PCSK5: variants seen among roughly 807,000 people sequenced by gnomAD.
PCSK5 encodes the protein prohormone convertase 5.
Under a neutral mutation model 233.2 loss-of-function variants are expected in PCSK5, and 129 were observed. The observed-to-expected ratio is 0.55, with a 90% CI of 0.48 to 0.64. The LOEUF (loss-of-function observed/expected upper bound fraction) is 0.64, where lower values mean the gene tolerates loss of function less well. PCSK5 is among the 30% of genes least tolerant of loss of function. The pLI, the probability that PCSK5 is intolerant of heterozygous loss-of-function variation, is 0.00. For synonymous variants in PCSK5, 825 were observed against 879.2 expected (o/e 0.94, Z 1.09); for missense variants, 2,076 against 2,430.1 (o/e 0.85, Z 3.06).
intron 9 of PCSK5, among the ~76,000 whole-genome samples, chr9:76,120,115 C>A (rs1832576282): frequency 6.6e-6 from 1 of 151,838 alleles, no homozygotes; most frequent in South Asian, 2.1e-4. Context: ...TTTTGTTGTC[C>A]AGTATGAGGA....
intron 24 of PCSK5, among the ~76,000 whole-genome samples, chr9:76,246,106 C>T (rs1031797126): frequency 9.2e-5 from 14 of 151,860 alleles, no homozygotes; most frequent in Non-Finnish European, 1.3e-4. Context: ...TTTGGGAGGC[C>T]GAGGCGGGCA....
Position 76,351,532 on chromosome 9 carries a change from G to GA in PCSK5, c.5067+604_5067+605insA, listed in dbSNP as rs1564196982. Among the ~76,000 whole-genome samples the GA allele has an allele frequency of 1.1e-3, 108 of 94,454 alleles. 25 individuals are homozygous for GA. The highest frequency in any genetic ancestry group is 5.0e-3 in the Middle Eastern group (1 of 202). The allele number at this position is 94,454 out of a possible 152,430, so 62.0% of individuals were successfully genotyped here. On this transcript the variant is annotated intron_variant, in intron 36 of 37. Coordinates refer to ENST00000674117, the MANE Select transcript of PCSK5 (RefSeq NM_001372043.1). ...AGAAAGAAAGAAAGAAAGAAAGAAA[G>GA]GAAGGAAAGAAAGAGAAAGAAGAGA...
chr9:76,292,196 C>A, intron 24 of PCSK5, 37 bp from the exon 25 acceptor site: 1 of 1,274,022 alleles, frequency 7.8e-7, no homozygotes, highest in Non-Finnish European at 1.1e-6. Context: ...TGACGAATTC[C>A]TCATGATTAT....
chr9:76,312,391 C>G (rs1385074115), intron 30 of PCSK5, among the ~76,000 whole-genome samples: 1 of 152,072 alleles, frequency 6.6e-6, no homozygotes. Context: ...TGCCTGTAAT[C>G]CCAGCTACTC....
intron 1 of PCSK5, among the ~76,000 whole-genome samples, chr9:75,896,787 G>A (rs1364672955): frequency 1.1e-4 from 17 of 152,156 alleles, no homozygotes; most frequent in Admixed American, 7.8e-4. Context: ...CATATGCACA[G>A]CATATATATG....
At chr9:76,223,304 A>C (rs1825788836) in intron 20 of PCSK5, among the ~76,000 whole-genome samples, 1 of 152,232 alleles carries the variant, frequency 6.6e-6, no homozygotes, top group Admixed American at 6.5e-5. Flanking sequence ...GCATTTGTTC[A>C]GGAGAAATGA....
At chr9:76,345,732 T>C (rs1455725414) in intron 35 of PCSK5, among the ~76,000 whole-genome samples, 4 of 150,184 alleles carry the variant, frequency 2.7e-5, no homozygotes, top group Admixed American at 2.7e-4. Context: ...TGTTTGTTTG[T>C]TTTTTGAGAC....
At chr9:76,046,559 CTTTTTTTT>C (rs553542037) in intron 5 of PCSK5, among the ~76,000 whole-genome samples, 2 of 104,806 alleles carry the variant, frequency 1.9e-5, no homozygotes, top group South Asian at 2.9e-4. Context: ...CTTTCTTTTT[CTTTTTTTT>C]TTTTTTTTTT....
intron 2 of PCSK5, among the ~76,000 whole-genome samples, chr9:75,948,031 C>T (rs1350541266): frequency 6.6e-6 from 1 of 151,836 alleles, no homozygotes; most frequent in African/African-American, 2.4e-5. Context: ...ATTTTTTGTA[C>T]AGACAGGGTC....
chr9:75,938,390 G>C (rs1345650558), intron 2 of PCSK5, among the ~76,000 whole-genome samples: 1 of 152,194 alleles, frequency 6.6e-6, no homozygotes, highest in Non-Finnish European at 1.5e-5. Flanking sequence ...TATGGGTGAG[G>C]TTTGTGGCAC....
At chr9:76,289,487 A>ACC in intron 24 of PCSK5, among the ~76,000 whole-genome samples, 1 of 133,456 alleles carries the variant, frequency 7.5e-6, no homozygotes, top group Non-Finnish European at 1.6e-5. Flanking sequence ...ACACACACAC[A>ACC]CACACACACA....
intron 24 of PCSK5, among the ~76,000 whole-genome samples, chr9:76,288,827 G>T (rs1828169503): frequency 6.6e-6 from 1 of 152,198 alleles, no homozygotes; most frequent in South Asian, 2.1e-4. Context: ...TTCTTCTCTA[G>T]ACGTTCAAGT....
chr9:76,206,417 C>G (rs530743301), intron 20 of PCSK5, among the ~76,000 whole-genome samples: 7 of 152,326 alleles, frequency 4.6e-5, no homozygotes, highest in Non-Finnish European at 4.4e-5. Context: ...TGGAAGCATA[C>G]GAAACATCCC....
At chr9:76,332,015 C>A (rs1392526912) in intron 33 of PCSK5, among the ~76,000 whole-genome samples, 1 of 152,178 alleles carries the variant, frequency 6.6e-6, no homozygotes, top group Non-Finnish European at 1.5e-5. Context: ...GAAGCTGGGG[C>A]TTCCCCCTAG....
chr9:76,241,522 C>G (rs1826431934), intron 24 of PCSK5, among the ~76,000 whole-genome samples: 1 of 152,208 alleles, frequency 6.6e-6, no homozygotes, highest in African/African-American at 2.4e-5. Context: ...ATCGTGGTAA[C>G]AGTGGAGTTG....
At chr9:76,175,276 C>CGAATT in intron 14 of PCSK5, 147 bp downstream of exon 14, 5 of 542,432 alleles carry the variant, frequency 9.2e-6, no homozygotes, top group South Asian at 2.1e-5. Flanking sequence ...GGAATGGAAT[C>CGAATT]GAATCGAATC....
chr9:76,189,242 T>G lies in PCSK5; in HGVS notation c.2510+19T>G, dbSNP rs1311190838. 2 of 1,608,498 alleles carry G rather than the reference T, an allele frequency of 1.2e-6. No individual in the cohort carries two copies. The highest frequency in any genetic ancestry group is 1.7e-6 in the Non-Finnish European group (2 of 1,177,894). On this transcript the variant is annotated intron_variant, in intron 19 of 37. Coordinates refer to ENST00000674117, the MANE Select transcript of PCSK5 (RefSeq NM_001372043.1). ...GCAAAAAGTAAGTGGATCTGCCCCC[T>G]GGGCCCTAGCATTTAGACCTAAGTT...
At chr9:76,292,771 A>T (rs1263739142) in intron 25 of PCSK5, among the ~76,000 whole-genome samples, 1 of 152,108 alleles carries the variant, frequency 6.6e-6, no homozygotes, top group East Asian at 1.9e-4. Flanking sequence ...AATCCACAAA[A>T]TCAAAAATGG....
At chr9:76,066,060 TATATTTTA>T (rs1830275804) in intron 5 of PCSK5, among the ~76,000 whole-genome samples, 1 of 152,158 alleles carries the variant, frequency 6.6e-6, no homozygotes, top group Non-Finnish European at 1.5e-5. Context: ...CACCTTTTAG[TATATTTTA>T]AAGTCTTCAG....
Sources: gnomAD v4.1 joint callset for allele counts (sites outside exome capture counted in the v4.1 genomes callset) on GRCh38, gnomAD v4.1.1 for gene constraint, MANE v1.5 for transcripts, NCBI Gene and HGNC (gene_info 2026-07-23, HGNC 2026-07-21) for gene names.